NARS2: variants seen among roughly 807,000 people sequenced by gnomAD.
NARS2 encodes the protein asparaginyl-tRNA synthetase.
In NARS2, 60 loss-of-function variants were observed where a neutral mutation model predicts 62.9. That is an observed-to-expected ratio of 0.95 (90% CI 0.77 to 1.18). NARS2 has a LOEUF of 1.18. NARS2 is among the 50% of genes most tolerant of loss of function. The pLI, the probability that NARS2 is intolerant of heterozygous loss-of-function variation, is 0.00. For synonymous variants in NARS2, 196 were observed against 200.0 expected (o/e 0.98, Z 0.17); for missense variants, 619 against 576.4 (o/e 1.07, Z -0.76).
chr11:78,497,241 GAAAAAAAAA>G (rs35740309), intron 6 of NARS2, among the ~76,000 whole-genome samples: 2 of 107,316 alleles, frequency 1.9e-5, no homozygotes, highest in Admixed American at 9.8e-5. Context: ...AAGCAAAATT[GAAAAAAAAA>G]AAAAAAAAAA....
At chr11:78,534,423 A>G (rs1479226428) in intron 5 of NARS2, among the ~76,000 whole-genome samples, 1 of 152,216 alleles carries the variant, frequency 6.6e-6, no homozygotes, top group Non-Finnish European at 1.5e-5. Flanking sequence ...TACACTGAGT[A>G]GCAGTTATTT....
At chr11:78,496,988 C>A (rs12292556) in intron 6 of NARS2, among the ~76,000 whole-genome samples, 2 of 152,060 alleles carry the variant, frequency 1.3e-5, no homozygotes, top group African/African-American at 4.8e-5. Context: ...TAAATAAAAT[C>A]TGAGAACAAG....
At chr11:78,503,754 A>T (rs887329649) in intron 6 of NARS2, among the ~76,000 whole-genome samples, 1 of 152,250 alleles carries the variant, frequency 6.6e-6, no homozygotes, top group African/African-American at 2.4e-5. Flanking sequence ...AGAAATAGGC[A>T]AACTGCTTTT....
chr11:78,545,547 C>T (rs1855836094), intron 5 of NARS2, among the ~76,000 whole-genome samples: 1 of 136,750 alleles, frequency 7.3e-6, no homozygotes, highest in Admixed American at 7.6e-5. Context: ...TTTTTTGAGA[C>T]AGAGTCTTGC....
Position 78,528,639 on chromosome 11 carries a change from A to C in NARS2, c.689+203T>G, listed in dbSNP as rs372078981. Reference sequence around the variant, plus strand: ...CAAGAAAAATTAGTAAAAAGAAAAAAATGACAACTTTGTATTTTCAGTGTT... The same window carrying C: ...CAAGAAAAATTAGTAAAAAGAAAAACATGACAACTTTGTATTTTCAGTGTT... On this transcript the variant is annotated intron_variant, in intron 6 of 13. Transcript: ENST00000281038. Among the ~76,000 whole-genome samples, 11 of 152,324 alleles carry C rather than the reference A, an allele frequency of 7.2e-5. No homozygotes were observed. The South Asian group carries it at 2.1e-3, about 29-fold the overall frequency.
chr11:78,542,242 C>T (rs188908905), intron 5 of NARS2, among the ~76,000 whole-genome samples: 4 of 152,262 alleles, frequency 2.6e-5, no homozygotes, highest in African/African-American at 9.6e-5. Flanking sequence ...TCCTGCTGAG[C>T]AGTCTGAGAA....
At chr11:78,463,403 A>G (rs984622574) in intron 11 of NARS2, among the ~76,000 whole-genome samples, 5 of 152,158 alleles carry the variant, frequency 3.3e-5, no homozygotes, top group African/African-American at 1.2e-4. Flanking sequence ...TAAAAAAGGC[A>G]GGCCAGGTGC....
At chr11:78,456,707 T>C (rs1490876165) in intron 11 of NARS2, among the ~76,000 whole-genome samples, 2 of 152,208 alleles carry the variant, frequency 1.3e-5, no homozygotes, top group Admixed American at 6.5e-5. Flanking sequence ...TGGCATCTCA[T>C]CAAGGACTGA....
rs577922684 is a variant in NARS2, at chr11:78,567,636, T to G, written c.372+996A>C. 1.1e-4 allele frequency among the ~76,000 whole-genome samples: 16 copies of G among 152,358 alleles called. No homozygotes were observed. The South Asian group carries it at 3.1e-3, about 30-fold the overall frequency. Reference sequence around the variant, plus strand: ...TCTACACTCTATTTCTCAGAAATCTTAGAACCTGATTTCTGATTTTACATC... The same window carrying G: ...TCTACACTCTATTTCTCAGAAATCTGAGAACCTGATTTCTGATTTTACATC... On this transcript the variant is annotated intron_variant, in intron 3 of 13. Coordinates refer to ENST00000281038, the MANE Select transcript of NARS2 (RefSeq NM_024678.6).
intron 6 of NARS2, among the ~76,000 whole-genome samples, chr11:78,522,086 T>C (rs1861149908): frequency 6.6e-6 from 1 of 151,806 alleles, no homozygotes; most frequent in South Asian, 2.1e-4. Flanking sequence ...GCAAGTAGTT[T>C]GGAATACTGG....
intron 6 of NARS2, among the ~76,000 whole-genome samples, chr11:78,522,119 ATTTT>A (rs59159824): frequency 2.2e-5 from 3 of 134,952 alleles, no homozygotes; most frequent in African/African-American, 8.2e-5. Context: ...CATCCAGCTA[ATTTT>A]TTTTTTTTTT....
intron 6 of NARS2, among the ~76,000 whole-genome samples, chr11:78,520,952 A>G (rs1291721858): frequency 1.3e-5 from 2 of 151,064 alleles, no homozygotes; most frequent in Admixed American, 6.6e-5. Flanking sequence ...CAGCTACTCG[A>G]GAGGCTGAGG....
intron 5 of NARS2, among the ~76,000 whole-genome samples, chr11:78,540,590 A>G (rs546222703): frequency 1.9e-4 from 29 of 152,298 alleles, no homozygotes; most frequent in African/African-American, 5.8e-4. Context: ...ACCCAGTTCT[A>G]TTTACTCATA....
chr11:78,452,803 C>A (rs2135169088), intron 11 of NARS2, among the ~76,000 whole-genome samples: 1 of 152,210 alleles, frequency 6.6e-6, no homozygotes, highest in East Asian at 1.9e-4. Context: ...CTTCAATTAA[C>A]CACAGCCAAA....
At chr11:78,555,201 T>G (rs2135504110) in intron 5 of NARS2, 1 of 152,272 alleles carries the variant, frequency 6.6e-6, no homozygotes, top group East Asian at 1.9e-4. Context: ...CTTTTTTTGT[T>G]GTGTCTCTCC....
intron 6 of NARS2, among the ~76,000 whole-genome samples, chr11:78,514,489 T>C (rs2135395308): frequency 6.6e-6 from 1 of 152,356 alleles, no homozygotes; most frequent in African/African-American, 2.4e-5. Flanking sequence ...CACTTGCTTT[T>C]AGAGAATATC....
At chr11:78,467,190 A>G (rs1858656022) in intron 10 of NARS2, among the ~76,000 whole-genome samples, 1 of 152,216 alleles carries the variant, frequency 6.6e-6, no homozygotes, top group Admixed American at 6.5e-5. Context: ...TTTGCCTCCA[A>G]CATTATACAT....
At chr11:78,511,259 T>C (rs1441771267) in intron 6 of NARS2, among the ~76,000 whole-genome samples, 1 of 152,198 alleles carries the variant, frequency 6.6e-6, no homozygotes, top group Admixed American at 6.5e-5. Flanking sequence ...TAAAATATTT[T>C]GTAGAGATGG....
intron 6 of NARS2, among the ~76,000 whole-genome samples, chr11:78,528,597 CAT>C (rs1159802534): frequency 6.6e-6 from 1 of 152,034 alleles, no homozygotes; most frequent in Non-Finnish European, 1.5e-5. Flanking sequence ...ATTCTGATTA[CAT>C]GTTTGGGATT....
Sources: gnomAD v4.1 joint callset for allele counts (sites outside exome capture counted in the v4.1 genomes callset) on GRCh38, gnomAD v4.1.1 for gene constraint, MANE v1.5 for transcripts, NCBI Gene and HGNC (gene_info 2026-07-23, HGNC 2026-07-21) for gene names.